Variants in CPEB3 observed in about 807,000 individuals in gnomAD.
CPEB3 encodes cytoplasmic polyadenylation element-binding protein 3.
CPEB3 carries 20 observed loss-of-function variants against 67.2 expected under a neutral mutation model. The observed-to-expected ratio is 0.30, with a 90% CI of 0.21 to 0.43. CPEB3 has a LOEUF of 0.43. Among genes scored for constraint, CPEB3 ranks in the 20% least tolerant of loss-of-function variants. The pLI, the probability that CPEB3 is intolerant of heterozygous loss-of-function variation, is 1.00. For missense variants in CPEB3, 746 were observed against 968.6 expected (o/e 0.77, Z 3.05); for synonymous variants, 376 against 393.1 (o/e 0.96, Z 0.51).
At position 92,239,730 on chromosome 10, in the gene CPEB3, G is replaced by A. The variant is rs1288867683; in HGVS notation, c.621C>T (p.Ala207=). ...SQAPYAQRSA[A]AAYGHQPIMT... The stretch of plus-strand genomic sequence containing the variant: ...TGATGGGCTGGTGGCCGTACGCCGC[G>A]GCGGCGCTCCTCTGCGCGTAGGGCG... Residue 207 remains alanine, a synonymous_variant, in exon 2 of 10, where the codon GCC becomes GCT. Transcript: ENST00000265997. This position sits in a 1 kb window ranked among gnomAD's most constrained non-coding sequence, Gnocchi z 6.0. 18 of 1,527,408 alleles carry A rather than the reference G, an allele frequency of 1.2e-5. No homozygotes were observed. In the Admixed American group the frequency reaches 3.4e-4, roughly 29 times the overall value. 94.6% of individuals were successfully genotyped at this position (1,527,408 alleles called of 1,614,324 possible). A position where few individuals can be genotyped will look rare whatever the true frequency, so the allele number is the denominator to read the frequency against.
rs775592518 is a variant in CPEB3 at position 92,091,841 on chromosome 10, G to C, written c.1676C>G (p.Pro559Arg). 6.2e-7 allele frequency: 1 copy of C among 1,606,772 alleles called. No individual in the cohort carries two copies. The highest frequency in any genetic ancestry group is 8.5e-7 in the Non-Finnish European group (1 of 1,174,458). The stretch of plus-strand genomic sequence containing the variant: ...CTATTTCCACTCACCAGCTCGAAGG[G>C]GTCGTGGAACTCCCCCAACAAAGAT... The part of the protein sequence containing the change: ...KTIFVGGVPR[P>R]LRAVELAMIM... The change falls in exon 8 of 10, where the codon CCC (proline) becomes CGC (arginine). Residue 559 changes from proline (P) to arginine (R), a missense_variant. By Grantham distance (103) the Pro-to-Arg change is moderately radical. Transcript: ENST00000265997.
At chr10:92,281,385 C>T (rs910915467) in intron 1 of CPEB3, among the ~76,000 whole-genome samples, 9 of 151,848 alleles carry the variant, frequency 5.9e-5, no homozygotes, top group African/African-American at 2.2e-4. Flanking sequence ...TGAGCCACCA[C>T]GCTGGCCTTT....
chr10:92,186,547 G>A (rs940680240), intron 3 of CPEB3, among the ~76,000 whole-genome samples: 1 of 151,402 alleles, frequency 6.6e-6, no homozygotes, highest in Non-Finnish European at 1.5e-5. Context: ...CGATTCTCCT[G>A]CCTCAGCCTC....
chr10:92,249,936 C>T (rs536906922), intron 1 of CPEB3, among the ~76,000 whole-genome samples: 1 of 150,442 alleles, frequency 6.6e-6, no homozygotes, highest in Middle Eastern at 3.4e-3. Flanking sequence ...GCAGGAGAAT[C>T]GCTTGAACTT....
At chr10:92,080,889 G>A (rs72807207) in intron 9 of CPEB3, among the ~76,000 whole-genome samples, 4,335 of 152,112 alleles carry the variant, frequency 0.028, 95 homozygotes, top group Non-Finnish European at 0.039. Flanking sequence ...GTGAGCCACC[G>A]CGCCCGGTCA....
At chr10:92,253,778 A>G (rs1344252544) in intron 1 of CPEB3, among the ~76,000 whole-genome samples, 1 of 152,158 alleles carries the variant, frequency 6.6e-6, no homozygotes, top group East Asian at 1.9e-4. Context: ...CACACAATAT[A>G]TTTGTAAAGG....
chr10:92,115,655 C>T (rs1200347376), intron 6 of CPEB3, among the ~76,000 whole-genome samples: 4 of 152,074 alleles, frequency 2.6e-5, no homozygotes, highest in African/African-American at 7.2e-5. Flanking sequence ...GACTATCCTG[C>T]GTTAAATTCT....
rs540443668 is a variant in CPEB3, at chr10:92,096,762, G to A, written c.1573-4818C>T. On this transcript the variant is annotated intron_variant, in intron 7 of 9. Transcript: ENST00000265997. ...AGTTCGACACCAGCTTGGCCAACAC[G>A]GTAAAACCTGTCTCTACTAAAAATA... Among the ~76,000 whole-genome samples the A allele has an allele frequency of 4.6e-5, 7 of 152,148 alleles. No individual in the cohort carries two copies. In the South Asian group the frequency reaches 1.0e-3, roughly 23 times the overall value.
chr10:92,074,094 A>ATT (rs72419060), intron 9 of CPEB3, among the ~76,000 whole-genome samples: 21,794 of 151,030 alleles, frequency 0.14, 1,995 homozygotes, highest in Non-Finnish European at 0.21. Flanking sequence ...CTTTTTAACT[A>ATT]TTTTTTTTTA....
intron 6 of CPEB3, among the ~76,000 whole-genome samples, chr10:92,141,497 G>A (rs1846419968): frequency 1.3e-5 from 2 of 151,408 alleles, no homozygotes; most frequent in South Asian, 4.2e-4. Context: ...GGGGGGATGG[G>A]GGAGGGATAG....
chr10:92,271,925 C>T (rs556451515), intron 1 of CPEB3, among the ~76,000 whole-genome samples: 2 of 152,224 alleles, frequency 1.3e-5, no homozygotes, highest in East Asian at 1.9e-4. Flanking sequence ...AATTGGAATG[C>T]TACTATAAGG....
intron 2 of CPEB3, among the ~76,000 whole-genome samples, chr10:92,200,096 TA>T (rs1404295269): frequency 1.3e-5 from 2 of 152,338 alleles, no homozygotes; most frequent in Admixed American, 1.3e-4. Flanking sequence ...ATATCTAACC[TA>T]AAGTCCTAAT....
chr10:92,220,372 T>C (rs1187137768), intron 2 of CPEB3, among the ~76,000 whole-genome samples: 2 of 152,158 alleles, frequency 1.3e-5, no homozygotes, highest in African/African-American at 4.8e-5. Context: ...TGTAAAATCA[T>C]TGAAATTACT....
chr10:92,256,165 C>T (rs1480875073), intron 1 of CPEB3, among the ~76,000 whole-genome samples: 1 of 152,038 alleles, frequency 6.6e-6, no homozygotes, highest in Non-Finnish European at 1.5e-5. Flanking sequence ...AATCCTGCCT[C>T]CTAAATTTCT....
At chr10:92,184,638 A>C (rs1044195469) in intron 3 of CPEB3, among the ~76,000 whole-genome samples, 3 of 152,184 alleles carry the variant, frequency 2.0e-5, no homozygotes, top group Admixed American at 6.6e-5. Context: ...CTCTGGGTCG[A>C]GAAGGCCACA....
intron 1 of CPEB3, among the ~76,000 whole-genome samples, chr10:92,283,722 C>CTTTTTTTTTTTTTTTTTTTTTTTT (rs869248048): frequency 6.4e-5 from 7 of 108,944 alleles, no homozygotes; most frequent in Non-Finnish European, 9.6e-5. Flanking sequence ...CTTTTTCTTT[C>CTTTTTTTTTTTTTTTTTTTTTTTT]TTTTTTTTTT....
chr10:92,091,796 G>T, intron 8 of CPEB3, 34 bp downstream of exon 8: 2 of 1,312,356 alleles, frequency 1.5e-6, no homozygotes, highest in Non-Finnish European at 2.2e-6. Context: ...GTTGTTGTTG[G>T]TTTTGTTGTT....
intron 4 of CPEB3, among the ~76,000 whole-genome samples, chr10:92,167,710 C>T (rs1847810356): frequency 6.6e-6 from 1 of 152,100 alleles, no homozygotes. Flanking sequence ...AGTTTGAGAC[C>T]AGCCTGGCCA....
chr10:92,129,388 T>C (rs1845741011), intron 6 of CPEB3, among the ~76,000 whole-genome samples: 1 of 152,054 alleles, frequency 6.6e-6, no homozygotes, highest in Non-Finnish European at 1.5e-5. Context: ...GAAAAATAAC[T>C]AATGGGCACT....
Sources: allele counts gnomAD v4.1 joint callset (sites outside exome capture counted in the v4.1 genomes callset), GRCh38; gene constraint gnomAD v4.1.1; non-coding constraint Gnocchi (gnomAD v3.1); transcripts MANE v1.5; gene names NCBI Gene and HGNC (gene_info 2026-07-23, HGNC 2026-07-21).